The following VWC2 variants were observed in gnomAD, a reference collection of about 807,000 sequenced individuals.
The protein encoded by VWC2 is brorin.
Under a neutral mutation model 29.8 loss-of-function variants are expected in VWC2, and 14 were observed. That is an observed-to-expected ratio of 0.47 (90% CI 0.31 to 0.74). The LOEUF (loss-of-function observed/expected upper bound fraction) is 0.74. VWC2 is among the 30% of genes least tolerant of loss of function. The pLI, the probability that VWC2 is intolerant of heterozygous loss-of-function variation, is 0.05. For missense variants in VWC2, 457 were observed against 459.8 expected (o/e 0.99, Z 0.05); for synonymous variants, 213 against 199.0 (o/e 1.07, Z -0.59).
chr7:49,781,452 A>T (rs1371458882), intron 2 of VWC2, among the ~76,000 whole-genome samples: 3 of 152,150 alleles, frequency 2.0e-5, no homozygotes, highest in Non-Finnish European at 4.4e-5. Flanking sequence ...TATTTTTTAT[A>T]TATTGGCTTT....
chr7:49,845,343 T>C (rs1248680607), intron 3 of VWC2, among the ~76,000 whole-genome samples: 1 of 152,172 alleles, frequency 6.6e-6, no homozygotes, highest in Admixed American at 6.5e-5. Flanking sequence ...TAGGACTCTA[T>C]CCATCTGTTA....
intron 3 of VWC2, among the ~76,000 whole-genome samples, chr7:49,908,735 C>T (rs1437629178): frequency 1.3e-5 from 2 of 151,936 alleles, no homozygotes; most frequent in Non-Finnish European, 2.9e-5. Context: ...AAGATATCTT[C>T]TTAGTTTAGA....
chr7:49,790,944 C>A (rs767292690), intron 2 of VWC2, among the ~76,000 whole-genome samples: 3 of 152,034 alleles, frequency 2.0e-5, no homozygotes. Flanking sequence ...GAGCCATTTG[C>A]GCTCCAGGAT....
chr7:49,851,078 G>A (rs1378294669), intron 3 of VWC2, among the ~76,000 whole-genome samples: 2 of 152,170 alleles, frequency 1.3e-5, no homozygotes, highest in Admixed American at 6.5e-5. Context: ...TGGAGGTTCC[G>A]ACGGCTGCTC....
At chr7:49,789,353 CTGTGT>C (rs1788411601) in intron 2 of VWC2, among the ~76,000 whole-genome samples, 1 of 145,628 alleles carries the variant, frequency 6.9e-6, no homozygotes, top group African/African-American at 2.5e-5. Flanking sequence ...GTATATGTGG[CTGTGT>C]GTGTGTGTGA....
intron 3 of VWC2, among the ~76,000 whole-genome samples, chr7:49,908,640 C>T (rs779942837): frequency 4.1e-4 from 62 of 151,800 alleles, no homozygotes; most frequent in African/African-American, 1.5e-3. Flanking sequence ...GTATACTACA[C>T]GTGATAGCCA....
At chr7:49,842,286 A>G (rs895226388) in intron 3 of VWC2, among the ~76,000 whole-genome samples, 1 of 152,200 alleles carries the variant, frequency 6.6e-6, no homozygotes, top group African/African-American at 2.4e-5. Flanking sequence ...AGCTCATGAG[A>G]GATGTTATCA....
At chr7:49,893,968 C>T (rs534114768) in intron 3 of VWC2, among the ~76,000 whole-genome samples, 27 of 152,262 alleles carry the variant, frequency 1.8e-4, no homozygotes, top group Admixed American at 1.4e-3. Flanking sequence ...CCCTGCTGGG[C>T]TCTCACTGCT....
intron 3 of VWC2, among the ~76,000 whole-genome samples, chr7:49,819,756 G>T (rs1053373363): frequency 1.1e-4 from 16 of 152,194 alleles, no homozygotes; most frequent in African/African-American, 3.9e-4. Context: ...GCCCGTGGGG[G>T]AGGGCAAATA....
intron 3 of VWC2, among the ~76,000 whole-genome samples, chr7:49,818,287 C>G (rs1789192369): frequency 6.6e-6 from 1 of 152,178 alleles, no homozygotes; most frequent in African/African-American, 2.4e-5. Flanking sequence ...AGCCCTTCAA[C>G]ACTAAAAATC....
chr7:49,903,507 T>C (rs1295808727), intron 3 of VWC2, among the ~76,000 whole-genome samples: 2 of 152,198 alleles, frequency 1.3e-5, no homozygotes, highest in Non-Finnish European at 2.9e-5. Flanking sequence ...TGATACTATA[T>C]GATTCCACTT....
rs949380618 is a variant in VWC2 at position 49,776,151 on chromosome 7, C to A, written c.696+20C>A. 2.0e-6 allele frequency: 3 copies of A among 1,490,644 alleles called. No homozygotes were observed. Among genetic ancestry groups the A allele is most frequent in the Admixed American group, 2.1e-5 (1 of 48,344 alleles). The allele number at this position is 1,490,644 out of a possible 1,614,324, so 92.3% of individuals were successfully genotyped here. A position where few individuals can be genotyped will look rare whatever the true frequency, so the allele number is the denominator to read the frequency against. On this transcript the variant is annotated intron_variant, in intron 2 of 3. Transcript: ENST00000340652. Reference sequence around the variant, plus strand: ...TTCGTGGTAAGATGCGAACGCCCGCCGGGCGACTTTGCACCTTCCAGGAAG... The same window carrying A: ...TTCGTGGTAAGATGCGAACGCCCGCAGGGCGACTTTGCACCTTCCAGGAAG...
chr7:49,832,604 G>GT lies in VWC2; in HGVS notation c.826+29770dup, dbSNP rs546234654. Among the ~76,000 whole-genome samples the GT allele has an allele frequency of 5.9e-4, 90 of 152,244 alleles. 1 individual carries two copies. Among genetic ancestry groups the GT allele is most frequent in the African/African-American group, 2.0e-3 (85 of 41,548 alleles). The stretch of plus-strand genomic sequence containing the variant: ...TGAACCAGGTTGACTGAAATCTCCT[G>GT]TTTTTTAGGAAAACTGACCTATTTC... On this transcript the variant is annotated intron_variant, in intron 3 of 3. Coordinates refer to ENST00000340652, the MANE Select transcript of VWC2 (RefSeq NM_198570.5).
chr7:49,777,179 A>G (rs1439634424), intron 2 of VWC2, among the ~76,000 whole-genome samples: 2 of 152,216 alleles, frequency 1.3e-5, no homozygotes, highest in East Asian at 1.9e-4. Context: ...TTGACTTACC[A>G]GGCCATAGCT....
chr7:49,910,574 T>A (rs1041882169), intron 3 of VWC2, among the ~76,000 whole-genome samples: 35 of 150,012 alleles, frequency 2.3e-4, no homozygotes, highest in African/African-American at 8.6e-4. Context: ...GATCTACAGG[T>A]ATGAACCATA....
intron 3 of VWC2, among the ~76,000 whole-genome samples, chr7:49,834,616 G>A (rs896320586): frequency 1.2e-4 from 18 of 152,182 alleles, no homozygotes; most frequent in Non-Finnish European, 2.9e-5. Flanking sequence ...CTGCAAACAC[G>A]AAATGCCGAG....
chr7:49,774,482 G>A (rs1788008397), intron 1 of VWC2, among the ~76,000 whole-genome samples: 1 of 152,250 alleles, frequency 6.6e-6, no homozygotes, highest in Non-Finnish European at 1.5e-5. Flanking sequence ...ATCCAGAAAG[G>A]CTGGCCGGGA....
At chr7:49,805,120 C>T (rs1788845272) in intron 3 of VWC2, among the ~76,000 whole-genome samples, 1 of 152,128 alleles carries the variant, frequency 6.6e-6, no homozygotes, top group South Asian at 2.1e-4. Flanking sequence ...AAAAAATGTA[C>T]AAAAACTAAA....
At chr7:49,823,978 G>T (rs1226306309) in intron 3 of VWC2, among the ~76,000 whole-genome samples, 1 of 151,114 alleles carries the variant, frequency 6.6e-6, no homozygotes, top group African/African-American at 2.4e-5. Flanking sequence ...CATATTTCTT[G>T]TTATTGACTT....
Sources: allele counts gnomAD v4.1 joint callset (sites outside exome capture counted in the v4.1 genomes callset), GRCh38; gene constraint gnomAD v4.1.1; transcripts MANE v1.5; gene names NCBI Gene and HGNC (gene_info 2026-07-23, HGNC 2026-07-21).